The following CBLN2 variants were observed in gnomAD, a reference collection of about 807,000 sequenced individuals.
CBLN2 encodes cerebellin 2 precursor, also known as cerebellin-2.
In CBLN2, 7 loss-of-function variants were observed where a neutral mutation model predicts 15.0. That is an observed-to-expected ratio of 0.47 (90% CI 0.27 to 0.88). The LOEUF (loss-of-function observed/expected upper bound fraction) is 0.88. Ranked by LOEUF, CBLN2 falls within the 40% of genes least tolerant of loss-of-function variation. The pLI is 0.14. For missense variants in CBLN2, 242 were observed against 304.5 expected (o/e 0.79, Z 1.53); for synonymous variants, 149 against 135.2 (o/e 1.10, Z -0.71).
chr18:72,631,982 CT>C (rs142689606), intron 1 of CBLN2, among the ~76,000 whole-genome samples: 10,315 of 152,168 alleles, frequency 0.068, 468 homozygotes, highest in Middle Eastern at 0.099. Context: ...CTTATCTCCA[CT>C]TTAGGCTATT....
chr18:72,629,463 A>T (rs1568136870), intron 1 of CBLN2, among the ~76,000 whole-genome samples: 4 of 151,950 alleles, frequency 2.6e-5, no homozygotes, highest in South Asian at 2.1e-4. Flanking sequence ...TTCATTAATT[A>T]AAAAAAATAA....
intron 1 of CBLN2, among the ~76,000 whole-genome samples, chr18:72,637,316 G>A (rs961533912): frequency 4.0e-5 from 6 of 151,760 alleles, no homozygotes; most frequent in African/African-American, 1.5e-4. Flanking sequence ...GTATTTACAT[G>A]GTATGAACTG....
chr18:72,617,422 T>C (rs1284877897), intron 1 of CBLN2, among the ~76,000 whole-genome samples: 1 of 152,186 alleles, frequency 6.6e-6, no homozygotes. Context: ...TGACAAACTT[T>C]ATTTAATAAA....
intron 1 of CBLN2, among the ~76,000 whole-genome samples, chr18:72,598,389 C>T (rs1444522631): frequency 6.6e-6 from 1 of 152,208 alleles, no homozygotes; most frequent in African/African-American, 2.4e-5. Context: ...GCCTGTTGGC[C>T]TATTCTACTG....
At chr18:72,550,841 A>T (rs944736655) in intron 1 of CBLN2, among the ~76,000 whole-genome samples, 16 of 152,146 alleles carry the variant, frequency 1.1e-4, no homozygotes, top group Admixed American at 3.9e-4. Flanking sequence ...TTTAAATGAT[A>T]GACTAATACT....
At chr18:72,616,212 A>G (rs1434478630) in intron 1 of CBLN2, among the ~76,000 whole-genome samples, 1 of 152,228 alleles carries the variant, frequency 6.6e-6, no homozygotes, top group Non-Finnish European at 1.5e-5. Flanking sequence ...TTTCATAGCA[A>G]GATAAGACCT....
chr18:72,572,097 T>C (rs2069336020), intron 1 of CBLN2, among the ~76,000 whole-genome samples: 1 of 152,180 alleles, frequency 6.6e-6, no homozygotes, highest in African/African-American at 2.4e-5. Context: ...GTGGAGCCCA[T>C]AATCTAGGGT....
At chr18:72,600,026 G>A (rs982597489) in intron 1 of CBLN2, among the ~76,000 whole-genome samples, 9 of 152,162 alleles carry the variant, frequency 5.9e-5, no homozygotes, top group Non-Finnish European at 1.0e-4. Flanking sequence ...GCCAAGCACC[G>A]CCTGTGGTTA....
intron 1 of CBLN2, among the ~76,000 whole-genome samples, chr18:72,574,137 TTTTG>T (rs2069349512): frequency 6.6e-6 from 1 of 152,220 alleles, no homozygotes; most frequent in African/African-American, 2.4e-5. Flanking sequence ...GAGTTGTTCA[TTTTG>T]TTTATTGTCG....
chr18:72,618,634 T>A (rs2144963705), intron 1 of CBLN2: 1 of 977,266 alleles, frequency 1.0e-6, no homozygotes, highest in Non-Finnish European at 1.6e-6. Flanking sequence ...CCTAAGAGAT[T>A]ATTTTGAACA....
intron 1 of CBLN2, among the ~76,000 whole-genome samples, chr18:72,602,597 G>T (rs958753029): frequency 6.6e-6 from 1 of 152,092 alleles, no homozygotes; most frequent in Non-Finnish European, 1.5e-5. Context: ...GGGTGCCGCC[G>T]TGAAGGTGTT....
At chr18:72,632,349 T>A (rs543141891) in intron 1 of CBLN2, among the ~76,000 whole-genome samples, 1 of 152,226 alleles carries the variant, frequency 6.6e-6, no homozygotes, top group East Asian at 1.9e-4. Context: ...CCAGGAAAAA[T>A]TTAGTGATTT....
Position 72,568,227 on chromosome 18 carries a change from C to G in CBLN2, c.16-29455G>C, listed in dbSNP as rs74803520. Among the ~76,000 whole-genome samples the G allele has an allele frequency of 4.3e-3, 650 of 152,266 alleles. 2 individuals are homozygous for G. The highest frequency in any genetic ancestry group is 7.8e-3 in the Non-Finnish European group (531 of 68,012). On this transcript the variant is annotated intron_variant, in intron 1 of 2. Coordinates refer to the CBLN2 transcript ENST00000581073. ...TGGCTCCAGGGTTAAAACGAATGACCTCTCTATACTCTAACAGGGTAATTC... is the reference window on the plus strand; with the variant it reads ...TGGCTCCAGGGTTAAAACGAATGACGTCTCTATACTCTAACAGGGTAATTC...
chr18:72,600,894 C>T (rs2069543633), intron 1 of CBLN2, among the ~76,000 whole-genome samples: 1 of 152,106 alleles, frequency 6.6e-6, no homozygotes, highest in African/African-American at 2.4e-5. Flanking sequence ...GGTCACATGA[C>T]CTGTTGAGTC....
chr18:72,626,372 GAC>G (rs1423781389), intron 1 of CBLN2, among the ~76,000 whole-genome samples: 6 of 152,020 alleles, frequency 3.9e-5, no homozygotes, highest in African/African-American at 9.7e-5. Context: ...TTCTTTTGGT[GAC>G]ATCAATGAAA....
intron 1 of CBLN2, among the ~76,000 whole-genome samples, chr18:72,583,246 A>C (rs78093014): frequency 0.01 from 1,578 of 152,304 alleles, 28 homozygotes; most frequent in African/African-American, 0.036. Flanking sequence ...GCAGAGCTAA[A>C]TCCTTGAAAA....
At chr18:72,557,689 G>A (rs1188319432) in intron 1 of CBLN2, among the ~76,000 whole-genome samples, 1 of 152,174 alleles carries the variant, frequency 6.6e-6, no homozygotes, top group Admixed American at 6.5e-5. Flanking sequence ...TCACTAGTAA[G>A]TGGGAACTGA....
At chr18:72,559,816 T>G (rs1008188818) in intron 1 of CBLN2, among the ~76,000 whole-genome samples, 3 of 152,190 alleles carry the variant, frequency 2.0e-5, no homozygotes, top group Admixed American at 2.0e-4. Flanking sequence ...CATTTTGAAA[T>G]GCAGTCTCTT....
At chr18:72,559,775 G>A (rs1055098634) in intron 1 of CBLN2, among the ~76,000 whole-genome samples, 6 of 152,144 alleles carry the variant, frequency 3.9e-5, no homozygotes, top group African/African-American at 9.7e-5. Context: ...ACTTCTAAAG[G>A]GCGCTTCATA....
Sources: gnomAD v4.1 joint callset for allele counts (sites outside exome capture counted in the v4.1 genomes callset) on GRCh38, gnomAD v4.1.1 for gene constraint, MANE v1.5 for transcripts, NCBI Gene and HGNC (gene_info 2026-07-23, HGNC 2026-07-21) for gene names.